Variants in ERCC6 observed in about 807,000 individuals in gnomAD.
The protein encoded by ERCC6 is ERCC excision repair 6, chromatin remodeling factor.
Under a neutral mutation model 158.7 loss-of-function variants are expected in ERCC6, and 116 were observed. The observed-to-expected ratio is 0.73, with a 90% CI of 0.63 to 0.85. ERCC6 has a LOEUF of 0.85. Ranked by LOEUF, ERCC6 falls within the 40% of genes least tolerant of loss-of-function variation. The pLI is 0.00. For missense variants in ERCC6, 1,698 were observed against 1,799.4 expected (o/e 0.94, Z 1.02); for synonymous variants, 678 against 659.3 (o/e 1.03, Z -0.43).
chr10:49,483,283 A>C (rs1244605157), intron 9 of ERCC6, 63 bp downstream of exon 9: 9 of 1,494,188 alleles, frequency 6.0e-6, no homozygotes, highest in Non-Finnish European at 8.4e-6. Context: ...AAAAGCAGAT[A>C]GTTTATTCTG....
rs1850465499 is a variant in ERCC6 at position 49,455,179 on chromosome 10, A to C, written c.*3636T>G. ...TCACAACCAAAACTAAAAATCTATA[A>C]AACACCTAGGAATAAGCCTATTATG... On this transcript the variant is annotated 3_prime_UTR_variant, in exon 21 of 21. Coordinates refer to ENST00000355832, the MANE Select transcript of ERCC6 (RefSeq NM_000124.4). Among the ~76,000 whole-genome samples, 1 of 152,180 alleles carries C rather than the reference A, an allele frequency of 6.6e-6. No individual in the cohort carries two copies. Among genetic ancestry groups the C allele is most frequent in the Non-Finnish European group, 1.5e-5 (1 of 68,030 alleles).
chr10:49,479,025 G>A (rs1019144380), intron 10 of ERCC6, among the ~76,000 whole-genome samples: 1 of 151,646 alleles, frequency 6.6e-6, no homozygotes, highest in African/African-American at 2.4e-5. Context: ...TCTGATCCCA[G>A]AAACGAAAGG....
chr10:49,458,640 T>C lies in ERCC6; in HGVS notation c.*175A>G, dbSNP rs1397300238. On this transcript the variant is annotated 3_prime_UTR_variant, in exon 21 of 21. Coordinates refer to ENST00000355832, the MANE Select transcript of ERCC6 (RefSeq NM_000124.4). ...CTTTAGCTAGCATTATTAAAACTTT[T>C]AACTTTCAGAGAAGAGTTTCTTCTT... 4 of 673,950 alleles carry C rather than the reference T, an allele frequency of 5.9e-6. No individual in the cohort carries two copies. The highest frequency in any genetic ancestry group is 9.9e-6 in the Non-Finnish European group (4 of 404,150). The allele number at this position is 673,950 out of a possible 1,614,324, so 41.7% of individuals were successfully genotyped here. A position where few individuals can be genotyped will look rare whatever the true frequency, so the allele number is the denominator to read the frequency against.
Position 49,472,892 on chromosome 10 carries a change from A to T in ERCC6, c.2829+17T>A, listed in dbSNP as rs1850806008. The T allele has an allele frequency of 6.2e-7, 1 of 1,610,610 alleles. No individual in the cohort carries two copies. The highest frequency in any genetic ancestry group is 8.5e-7 in the Non-Finnish European group (1 of 1,178,354). On this transcript the variant is annotated intron_variant, in intron 15 of 20. Transcript: ENST00000355832. ...TTTCTACTAATACATTCTTTTAAAA[A>T]AAAAATAAAAACAAACCTGCGTGTC...
At chr10:49,452,423 A>C (rs546877480), downstream of ERCC6, among the ~76,000 whole-genome samples, 1 of 152,132 alleles carries the variant, frequency 6.6e-6, no homozygotes, top group Admixed American at 6.5e-5. Flanking sequence ...TTTCTAATTT[A>C]ATCCTGTGAT....
chr10:49,485,637 T>C (rs775370737), intron 8 of ERCC6, among the ~76,000 whole-genome samples: 1 of 152,160 alleles, frequency 6.6e-6, no homozygotes, highest in Non-Finnish European at 1.5e-5. Context: ...ACACAGGCAA[T>C]AGATATTTAA....
At chr10:49,472,514 A>G (rs535080698) in intron 15 of ERCC6, 44 bp from the exon 16 acceptor site, 11 of 1,590,056 alleles carry the variant, frequency 6.9e-6, no homozygotes, top group East Asian at 2.2e-5. Flanking sequence ...ATCCTTCCCA[A>G]TGACAAGCAC....
chr10:49,458,954 C>CT lies in ERCC6; in HGVS notation c.4342dup (p.Arg1448LysfsTer8). ...GGATTCAAACTCCTGCAGTATCTCC[C>CT]TGGTGCTGGCCTGGCCATCAGTGTG... On this transcript the variant is annotated frameshift_variant, in exon 21 of 21. Transcript: ENST00000355832. LOFTEE classifies it high-confidence loss of function. 6.2e-7 allele frequency: 1 copy of CT among 1,614,200 alleles called. No homozygotes were observed. The highest frequency in any genetic ancestry group is 8.5e-7 in the Non-Finnish European group (1 of 1,180,040).
At chr10:49,487,569 A>G (rs1851098455) in intron 8 of ERCC6, among the ~76,000 whole-genome samples, 1 of 151,562 alleles carries the variant, frequency 6.6e-6, no homozygotes, top group African/African-American at 2.4e-5. Flanking sequence ...AAAACCATCC[A>G]CCTTTAGCAC....
chr10:49,505,940 A>T lies in ERCC6; in HGVS notation c.1470T>A (p.Asp490Glu), dbSNP rs1343089582. 6.2e-7 allele frequency: 1 copy of T among 1,613,552 alleles called. No individual in the cohort carries two copies. Among genetic ancestry groups the T allele is most frequent in the Non-Finnish European group, 8.5e-7 (1 of 1,179,630 alleles). ...CTTTAAAACCTTCGTCAAATTCAGC[A>T]TCACTTTCCTCAGAATCGTCCTCCA... is the stretch of plus-strand genomic sequence containing the variant. ...LKLEDDSEES[D>E]AEFDEGFKVP... The change falls in exon 6 of 21, where the codon GAT becomes GAA. Residue 490 changes from aspartate to glutamate, a missense_variant. By Grantham distance (45) the Asp-to-Glu change is conservative. Transcript: ENST00000355832.
At chr10:49,523,987 A>C (rs1193173553) in intron 5 of ERCC6, 46 bp downstream of exon 5, 1 of 1,608,106 alleles carries the variant, frequency 6.2e-7, no homozygotes. Flanking sequence ...CTGTCACCTA[A>C]GATAAAGCAA....
chr10:49,515,059 G>T, intron 5 of ERCC6: 1 of 510,078 alleles, frequency 2.0e-6, no homozygotes, highest in Non-Finnish European at 2.9e-6. Context: ...CTTCATTTGT[G>T]TCTCAGCTTT....
intron 8 of ERCC6, among the ~76,000 whole-genome samples, chr10:49,484,031 C>A (rs936565406): frequency 1.3e-5 from 2 of 151,798 alleles, no homozygotes; most frequent in Non-Finnish European, 1.5e-5. Context: ...GTAATCCCAG[C>A]ACTTTGGGAG....
intron 3 of ERCC6, among the ~76,000 whole-genome samples, chr10:49,530,509 T>C (rs1205198152): frequency 1.3e-5 from 2 of 152,206 alleles, no homozygotes; most frequent in Non-Finnish European, 2.9e-5. Flanking sequence ...TGTGTGTCTA[T>C]GTATGTGTGT....
chr10:49,493,348 A>G, intron 7 of ERCC6, 96 bp from the exon 8 acceptor site: 1 of 1,470,952 alleles, frequency 6.8e-7, no homozygotes, highest in Non-Finnish European at 9.3e-7. Flanking sequence ...CAAAAAACTT[A>G]GTTCAAAAAA....
At chr10:49,469,374 CA>C (rs993235446) in intron 18 of ERCC6, among the ~76,000 whole-genome samples, 6 of 146,268 alleles carry the variant, frequency 4.1e-5, no homozygotes, top group Admixed American at 1.4e-4. Flanking sequence ...GCATTCCTAC[CA>C]AAAAAAAAAT....
chr10:49,486,298 T>C (rs1432518811), intron 8 of ERCC6, among the ~76,000 whole-genome samples: 4 of 152,160 alleles, frequency 2.6e-5, no homozygotes, highest in African/African-American at 4.8e-5. Flanking sequence ...AGACCTCCTT[T>C]CAACAGTGAT....
chr10:49,445,356 A>G, the ERCC6 span, among the ~76,000 whole-genome samples: 1 of 152,238 alleles, frequency 6.6e-6, no homozygotes. Flanking sequence ...AGAAAAGAAT[A>G]AGGTTTATAA....
At chr10:49,480,987 T>C (rs1042974402) in intron 10 of ERCC6, among the ~76,000 whole-genome samples, 3 of 152,334 alleles carry the variant, frequency 2.0e-5, no homozygotes, top group Admixed American at 6.5e-5. Flanking sequence ...ATAGACTAGA[T>C]AACAGACTCC....
Sources: gnomAD v4.1 joint callset for allele counts (sites outside exome capture counted in the v4.1 genomes callset) on GRCh38, gnomAD v4.1.1 for gene constraint, MANE v1.5 for transcripts, NCBI Gene and HGNC (gene_info 2026-07-23, HGNC 2026-07-21) for gene names.